FAAH2: variants seen among roughly 807,000 people sequenced by gnomAD.
FAAH2 encodes the protein fatty acid amide hydrolase 2.
A neutral mutation model predicts 36.9 loss-of-function variants in FAAH2; 60 were observed. The ratio of observed to expected loss-of-function variants is 1.63; its 90% confidence interval spans 1.32 to 2.02. FAAH2 has a LOEUF of 2.02. Among genes scored for constraint, FAAH2 ranks in the 30% most tolerant of loss-of-function variants. FAAH2 has a pLI of 0.00. For synonymous variants in FAAH2, 214 were observed against 143.8 expected, an observed-to-expected ratio of 1.49 and a Z score of -3.49; for missense variants, 689 against 397.5, an observed-to-expected ratio of 1.73 and a Z score of -6.23.
intron 10 of FAAH2, among the ~76,000 whole-genome samples, chrX:57,482,047 A>G (rs932190143): frequency 1.3e-4 from 14 of 111,272 alleles, no homozygotes; most frequent in African/African-American, 4.3e-4. Context: ...TCAGGGGAAA[A>G]CTGCCTACCA....
chrX:57,196,986 T>C, the FAAH2 span, among the ~76,000 whole-genome samples: 1 of 112,138 alleles, frequency 8.9e-6, no homozygotes, highest in Non-Finnish European at 1.9e-5. Context: ...CTTTTAAATT[T>C]CTCTTCTTTT....
intron 5 of FAAH2, among the ~76,000 whole-genome samples, chrX:57,368,422 G>A (rs1337750146): frequency 9.0e-6 from 1 of 111,115 alleles, no homozygotes; most frequent in Non-Finnish European, 1.9e-5. Context: ...CCTGCCCCAA[G>A]GGGAACAGCA....
the FAAH2 span, among the ~76,000 whole-genome samples, chrX:57,201,489 C>T: frequency 7.3e-5 from 8 of 110,256 alleles, no homozygotes; most frequent in Non-Finnish European, 1.3e-4. Flanking sequence ...TTGTATATTA[C>T]TGGTTTCTTT....
At chrX:57,205,481 A>G in the FAAH2 span, among the ~76,000 whole-genome samples, 1 of 112,377 alleles carries the variant, frequency 8.9e-6, no homozygotes, top group East Asian at 2.8e-4. Context: ...TCTGTATGAA[A>G]TCATAACTGA....
intron 10 of FAAH2, among the ~76,000 whole-genome samples, chrX:57,475,496 T>C (rs1452479443): frequency 1.8e-5 from 2 of 111,825 alleles, no homozygotes; most frequent in Non-Finnish European, 3.8e-5. Context: ...GAAGATCAGA[T>C]GGTTGTAGCT....
intron 10 of FAAH2, among the ~76,000 whole-genome samples, chrX:57,488,449 C>T (rs192401366): frequency 1.3e-4 from 15 of 111,252 alleles, no homozygotes; most frequent in African/African-American, 4.9e-4. Context: ...GGCTATTATT[C>T]ACACTTTCTG....
chrX:57,425,870 G>A (rs2056149719), intron 7 of FAAH2, among the ~76,000 whole-genome samples: 2 of 111,147 alleles, frequency 1.8e-5, no homozygotes, highest in Non-Finnish European at 3.8e-5. Context: ...ATGTGTGAAT[G>A]AATTAAATAC....
At chrX:57,228,605 T>C in the FAAH2 span, among the ~76,000 whole-genome samples, 2 of 111,340 alleles carry the variant, frequency 1.8e-5, no homozygotes, top group African/African-American at 3.3e-5. Context: ...AAATTCACAA[T>C]GCAAGCCTCC....
Position 57,324,558 on chromosome X carries a change from T to C in FAAH2, c.413-7040T>C, listed in dbSNP as rs370736760. Among the ~76,000 whole-genome samples, 53 of 111,729 alleles carry C rather than the reference T, an allele frequency of 4.7e-4. 1 individual carries two copies. Among genetic ancestry groups the C allele is most frequent in the East Asian group, 3.3e-3 (12 of 3,590 alleles). ...TTCTCCTTGAAGAGGTCCTTCACATTCCTTGTAAGTTGGATTCCTAGGTAT... is the reference window on the plus strand; with the variant it reads ...TTCTCCTTGAAGAGGTCCTTCACATCCCTTGTAAGTTGGATTCCTAGGTAT... On this transcript the variant is annotated intron_variant, in intron 3 of 10. Transcript: ENST00000374900.
Position 57,378,744 on chromosome X carries a change from T to A in FAAH2, c.836T>A (p.Leu279Gln), listed in dbSNP as rs2054754868. ...CCTATGTGCCGTTATGCTGAAGACC[T>A]GGCCCCCATGTTGAAGGTCATGGCA... Reference protein sequence around the residue: ...TGPMCRYAEDLAPMLKVMAGP... With the variant: ...TGPMCRYAEDQAPMLKVMAGP... The change falls in exon 6 of 11, where the codon CTG (leucine) becomes CAG (glutamine). Residue 279 changes from leucine to glutamine, a missense_variant. Physicochemically the swap from Leu to Gln is moderately radical, Grantham distance 113. Transcript: ENST00000374900. 8.3e-7 allele frequency: 1 copy of A among 1,208,316 alleles called. No homozygotes were observed. Among genetic ancestry groups the A allele is most frequent in the Admixed American group, 2.2e-5 (1 of 45,458 alleles).
chrX:57,349,154 G>A (rs2053917523), intron 5 of FAAH2, among the ~76,000 whole-genome samples: 1 of 69,274 alleles, frequency 1.4e-5, no homozygotes, highest in South Asian at 8.1e-4. Flanking sequence ...ACATATATAT[G>A]TATAATATAT....
chrX:57,488,829 G>T lies in FAAH2; in HGVS notation c.1496G>T (p.Gly499Val). 1.7e-6 allele frequency: 2 copies of T among 1,211,241 alleles called. No homozygotes were observed. Among genetic ancestry groups the T allele is most frequent in the Non-Finnish European group, 2.2e-6 (2 of 895,353 alleles). The change falls in exon 11 of 11, where the codon GGC (glycine) becomes GTC (valine). Residue 499 changes from glycine (G) to valine (V), a missense_variant. Physicochemically the swap from Gly to Val is moderately radical, Grantham distance 109. Transcript: ENST00000374900. ...CTGAATGCCAAAGGACTCCCTTTAG[G>T]CATCCAGGTTGTGGCTGGACCCTTT... ...LGLNAKGLPL[G>V]IQVVAGPFND...
At chrX:57,280,063 G>T in the FAAH2 span, among the ~76,000 whole-genome samples, 1 of 111,772 alleles carries the variant, frequency 8.9e-6, no homozygotes, top group Admixed American at 9.5e-5. Flanking sequence ...AAATATTGCT[G>T]AAGAAATTAA....
intron 10 of FAAH2, among the ~76,000 whole-genome samples, chrX:57,461,567 A>C (rs1418909231): frequency 9.0e-6 from 1 of 111,542 alleles, no homozygotes; most frequent in Non-Finnish European, 1.9e-5. Flanking sequence ...TAAATAACAA[A>C]ATTAAGGCAG....
intron 10 of FAAH2, among the ~76,000 whole-genome samples, chrX:57,463,958 G>C (rs972884590): frequency 8.9e-6 from 1 of 111,997 alleles, no homozygotes; most frequent in Non-Finnish European, 1.9e-5. Context: ...CCACACATAT[G>C]TTTATTGCAG....
the FAAH2 span, among the ~76,000 whole-genome samples, chrX:57,153,383 G>A: frequency 8.9e-6 from 1 of 112,042 alleles, no homozygotes; most frequent in African/African-American, 3.2e-5. Context: ...GTATTGAGAT[G>A]TGAGATACTA....
At chrX:57,462,133 G>A (rs1447553978) in intron 10 of FAAH2, among the ~76,000 whole-genome samples, 5 of 68,229 alleles carry the variant, frequency 7.3e-5, no homozygotes, top group Non-Finnish European at 1.3e-4. Context: ...CCAATAACAA[G>A]TTCTGAAATT....
chrX:57,209,901 T>A, the FAAH2 span, among the ~76,000 whole-genome samples: 1 of 110,724 alleles, frequency 9.0e-6, no homozygotes, highest in Non-Finnish European at 1.9e-5. Context: ...TGACTGGTTT[T>A]AATGCTCCCT....
chrX:57,219,889 G>A, the FAAH2 span, among the ~76,000 whole-genome samples: 2 of 14,867 alleles, frequency 1.3e-4, no homozygotes, highest in Non-Finnish European at 2.2e-4. Context: ...TTTTTTTTTT[G>A]CAATTCAGTC....
Sources: gnomAD v4.1 joint callset for allele counts (sites outside exome capture counted in the v4.1 genomes callset) on GRCh38, gnomAD v4.1.1 for gene constraint, MANE v1.5 for transcripts, NCBI Gene and HGNC (gene_info 2026-07-23, HGNC 2026-07-21) for gene names.